The following UST variants were observed in gnomAD, a reference collection of about 807,000 sequenced individuals.
UST encodes the protein uronyl 2-sulfotransferase.
A neutral mutation model predicts 45.6 loss-of-function variants in UST; 21 were observed. The observed-to-expected ratio is 0.46, with a 90% CI of 0.33 to 0.66. The LOEUF is 0.66. Among genes scored for constraint, UST ranks in the 30% least tolerant of loss-of-function variants. The pLI is 0.02. For missense variants in UST, 463 were observed against 512.4 expected (o/e 0.90, Z 0.93); for synonymous variants, 215 against 200.6 (o/e 1.07, Z -0.61).
At chr6:149,025,371 T>C (rs887998162) in intron 7 of UST, among the ~76,000 whole-genome samples, 1 of 152,182 alleles carries the variant, frequency 6.6e-6, no homozygotes, top group Non-Finnish European at 1.5e-5. Context: ...CAGAATAGAG[T>C]ATCTCAGAAG....
At chr6:148,935,881 A>T (rs73003939) in intron 2 of UST, among the ~76,000 whole-genome samples, 2,602 of 152,276 alleles carry the variant, frequency 0.017, 40 homozygotes, top group Middle Eastern at 0.058. Context: ...TGTCAGTTCC[A>T]CTTAAGCCTT....
At chr6:148,809,013 T>C (rs1777202467) in intron 1 of UST, among the ~76,000 whole-genome samples, 1 of 152,256 alleles carries the variant, frequency 6.6e-6, no homozygotes, top group Non-Finnish European at 1.5e-5. Context: ...TATTTTGTTA[T>C]AGCAGCCCAT....
At chr6:148,865,506 C>T (rs777013294) in intron 1 of UST, among the ~76,000 whole-genome samples, 12 of 151,870 alleles carry the variant, frequency 7.9e-5, no homozygotes, top group Non-Finnish European at 1.5e-4. Flanking sequence ...TTACTTATTA[C>T]GTTTAATATA....
chr6:148,760,583 A>G (rs951225984), intron 1 of UST, among the ~76,000 whole-genome samples: 3 of 152,208 alleles, frequency 2.0e-5, no homozygotes, highest in African/African-American at 4.8e-5. Flanking sequence ...TGTCCAGACA[A>G]ATAGGTCTGT....
chr6:149,048,099 A>C (rs1329080358), intron 7 of UST, among the ~76,000 whole-genome samples: 1 of 151,586 alleles, frequency 6.6e-6, no homozygotes, highest in Non-Finnish European at 1.5e-5. Flanking sequence ...CATGGGCCTT[A>C]ATAAATTCCA....
At chr6:149,039,271 G>A (rs1174201252) in intron 7 of UST, among the ~76,000 whole-genome samples, 1 of 152,148 alleles carries the variant, frequency 6.6e-6, no homozygotes, top group Non-Finnish European at 1.5e-5. Context: ...TTGTTGCCCA[G>A]GGTGGAGTAC....
At chr6:148,837,310 C>G (rs1303122154) in intron 1 of UST, among the ~76,000 whole-genome samples, 2 of 152,196 alleles carry the variant, frequency 1.3e-5, no homozygotes, top group East Asian at 3.8e-4. Context: ...CTCACCCCTT[C>G]CTGGGACAAA....
intron 2 of UST, among the ~76,000 whole-genome samples, chr6:148,915,678 T>G (rs1779575542): frequency 6.6e-6 from 1 of 152,228 alleles, no homozygotes; most frequent in African/African-American, 2.4e-5. Context: ...GCAACTGTTA[T>G]TATGTGAACA....
chr6:149,029,504 T>A (rs4897075), intron 7 of UST, among the ~76,000 whole-genome samples: 1 of 147,134 alleles, frequency 6.8e-6, no homozygotes, highest in African/African-American at 2.5e-5. Context: ...ATGTATATAT[T>A]ATATAGATAC....
chr6:148,774,960 G>A (rs1776502692), intron 1 of UST, among the ~76,000 whole-genome samples: 1 of 152,118 alleles, frequency 6.6e-6, no homozygotes. Context: ...GGGGGTTGCA[G>A]TCAGCCGAGA....
At chr6:148,806,221 T>C (rs1778284112) in intron 1 of UST, among the ~76,000 whole-genome samples, 3 of 152,222 alleles carry the variant, frequency 2.0e-5, no homozygotes, top group Admixed American at 6.5e-5. Flanking sequence ...ACCTTTTGGT[T>C]GTTGTAGACT....
intron 1 of UST, among the ~76,000 whole-genome samples, chr6:148,858,820 C>T (rs9498166): frequency 0.26 from 38,904 of 152,122 alleles, 5,494 homozygotes; most frequent in East Asian, 0.57. Flanking sequence ...CTACAAAGGA[C>T]GTGAACTCAT....
chr6:148,896,049 G>A (rs559039710), intron 2 of UST, among the ~76,000 whole-genome samples: 11 of 152,214 alleles, frequency 7.2e-5, no homozygotes, highest in Non-Finnish European at 1.5e-4. Context: ...TATAATGATA[G>A]TAGGTAAATT....
chr6:148,755,495 A>C (rs1055102652), intron 1 of UST, among the ~76,000 whole-genome samples: 3 of 152,138 alleles, frequency 2.0e-5, no homozygotes, highest in African/African-American at 7.2e-5. Flanking sequence ...GTCTGCCTCT[A>C]TGTCTCTACC....
In UST at chr6:148,864,860, A is replaced by G. The variant is rs557513226; in HGVS notation, c.248-22126A>G. ...TTCTGGTTTCCCTTGTTTTGCCCTC[A>G]GTACACAATGCTCAGTATTCAGAAA... On this transcript the variant is annotated intron_variant, in intron 1 of 7. Coordinates refer to ENST00000367463, the MANE Select transcript of UST (RefSeq NM_005715.3). 7.0e-4 allele frequency among the ~76,000 whole-genome samples: 106 copies of G among 152,360 alleles called. 1 individual carries two copies. Among genetic ancestry groups the G allele is most frequent in the African/African-American group, 2.5e-3 (102 of 41,594 alleles).
At chr6:148,987,487 CA>C (rs567882255) in intron 5 of UST, among the ~76,000 whole-genome samples, 11 of 149,442 alleles carry the variant, frequency 7.4e-5, no homozygotes, top group Admixed American at 2.7e-4. Flanking sequence ...ACGTGAATAA[CA>C]AAAAAAAAAT....
chr6:148,871,117 C>CTCTCTCTCTCTCTCTCTCTCTCTCTCTCT (rs1778543531), intron 1 of UST, among the ~76,000 whole-genome samples: 1 of 97,586 alleles, frequency 1.0e-5, no homozygotes, highest in African/African-American at 4.6e-5. Flanking sequence ...GCATTCTCTC[C>CTCTCTCTCTCTCTCTCTCTCTCTCTCTCT]CTCTCTCTCT....
intron 1 of UST, among the ~76,000 whole-genome samples, chr6:148,843,249 A>G (rs1777921151): frequency 6.6e-6 from 1 of 152,270 alleles, no homozygotes; most frequent in Non-Finnish European, 1.5e-5. Context: ...GGCCCAGGCC[A>G]ATGTCACTTA....
At chr6:149,044,616 G>A (rs1776372126) in intron 7 of UST, among the ~76,000 whole-genome samples, 1 of 152,180 alleles carries the variant, frequency 6.6e-6, no homozygotes, top group African/African-American at 2.4e-5. Context: ...AGTGTGAGTG[G>A]TGCCCGCTCT....
Sources: allele counts gnomAD v4.1 joint callset (sites outside exome capture counted in the v4.1 genomes callset), GRCh38; gene constraint gnomAD v4.1.1; transcripts MANE v1.5; gene names NCBI Gene and HGNC (gene_info 2026-07-23, HGNC 2026-07-21).